Variants in RALYL observed in about 807,000 individuals in gnomAD.
RALYL encodes the protein RALY RNA binding protein like, also known as RNA-binding Raly-like protein.
RALYL carries 29 observed loss-of-function variants against 35.1 expected under a neutral mutation model. That is an observed-to-expected ratio of 0.83 (90% CI 0.61 to 1.13). RALYL has a LOEUF of 1.13. Ranked by LOEUF, RALYL falls within the 50% of genes most tolerant of loss-of-function variation. The probability of loss-of-function intolerance (pLI) is 0.00; values close to 1 mark genes in which losing one functional copy is unlikely to be tolerated. For synonymous variants in RALYL, 120 were observed against 127.6 expected (o/e 0.94, Z 0.40); for missense variants, 359 against 360.4 (o/e 1.00, Z 0.03).
At chr8:84,385,054 C>T (rs1480274660) in intron 1 of RALYL, among the ~76,000 whole-genome samples, 1 of 151,768 alleles carries the variant, frequency 6.6e-6, no homozygotes, top group Non-Finnish European at 1.5e-5. Flanking sequence ...TCTTCCACCC[C>T]CACAAAGTCC....
chr8:84,312,720 G>C (rs1245267831), intron 1 of RALYL, among the ~76,000 whole-genome samples: 1 of 152,242 alleles, frequency 6.6e-6, no homozygotes, highest in African/African-American at 2.4e-5. Context: ...GTCTGCCCCT[G>C]TGGCTCCAGA....
At chr8:84,378,801 TTTG>T (rs1279258650) in intron 1 of RALYL, among the ~76,000 whole-genome samples, 1 of 152,028 alleles carries the variant, frequency 6.6e-6, no homozygotes, top group African/African-American at 2.4e-5. Context: ...CTGTTTTGAG[TTTG>T]TTATCATATG....
intron 2 of RALYL, among the ~76,000 whole-genome samples, chr8:84,617,355 T>C (rs1326397635): frequency 6.6e-6 from 1 of 150,948 alleles, no homozygotes; most frequent in Non-Finnish European, 1.5e-5. Context: ...TTTGAAGCAA[T>C]TGTGAATGGG....
intron 1 of RALYL, among the ~76,000 whole-genome samples, chr8:84,291,178 G>A (rs2132228760): frequency 6.6e-6 from 1 of 152,284 alleles, no homozygotes; most frequent in Admixed American, 6.5e-5. Flanking sequence ...AGGGAAAAGA[G>A]GACGGTGAGA....
rs551256691 is a variant in RALYL at position 84,656,921 on chromosome 8, T to A, written c.257-117658T>A. ...TATTATAATTTTATAGCTGGAATCATGCTAAAACACATGGGACAATGGAAA... is the reference window on the plus strand; with the variant it reads ...TATTATAATTTTATAGCTGGAATCAAGCTAAAACACATGGGACAATGGAAA... On this transcript the variant is annotated intron_variant, in intron 2 of 8. Coordinates refer to ENST00000521268, the MANE Select transcript of RALYL (RefSeq NM_173848.7). Among the ~76,000 whole-genome samples, 4 of 152,252 alleles carry A rather than the reference T, an allele frequency of 2.6e-5. No individual in the cohort carries two copies. The South Asian group carries it at 8.3e-4, about 32-fold the overall frequency.
At chr8:84,320,890 T>A (rs999440766) in intron 1 of RALYL, among the ~76,000 whole-genome samples, 47 of 152,228 alleles carry the variant, frequency 3.1e-4, no homozygotes, top group African/African-American at 1.1e-3. Context: ...CTTAGGACCA[T>A]CTAGGCATAA....
chr8:84,256,017 G>A (rs774321387), intron 1 of RALYL, among the ~76,000 whole-genome samples: 4 of 152,074 alleles, frequency 2.6e-5, no homozygotes, highest in Non-Finnish European at 4.4e-5. Flanking sequence ...AATAATCTGG[G>A]TGATTGTAAA....
At chr8:84,513,330 A>T (rs1472561181) in intron 1 of RALYL, among the ~76,000 whole-genome samples, 1 of 151,818 alleles carries the variant, frequency 6.6e-6, no homozygotes, top group Non-Finnish European at 1.5e-5. Flanking sequence ...GTTATTATTG[A>T]TTTTTTGTGA....
chr8:84,283,883 A>G (rs535584321), intron 1 of RALYL, among the ~76,000 whole-genome samples: 9 of 152,290 alleles, frequency 5.9e-5, no homozygotes, highest in African/African-American at 2.2e-4. Flanking sequence ...GCTGATTCCC[A>G]GAAGTGAATA....
Position 84,784,405 on chromosome 8 carries a change from A to G in RALYL, c.332+9751A>G, listed in dbSNP as rs544219664. On this transcript the variant is annotated intron_variant, in intron 3 of 8. Coordinates refer to ENST00000521268, the MANE Select transcript of RALYL (RefSeq NM_173848.7). Reference sequence around the variant, plus strand: ...CCTTTTTCCTCGGTCATCTAGTCTCACTCTTACAATGTGAATGATTTTTTA... The same window carrying G: ...CCTTTTTCCTCGGTCATCTAGTCTCGCTCTTACAATGTGAATGATTTTTTA... Among the ~76,000 whole-genome samples, 50 of 152,234 alleles carry G rather than the reference A, an allele frequency of 3.3e-4. 2 individuals carry two copies. In the South Asian group the frequency reaches 8.7e-3, roughly 26 times the overall value.
chr8:84,540,033 T>C (rs1427153835), intron 2 of RALYL, among the ~76,000 whole-genome samples: 1 of 151,380 alleles, frequency 6.6e-6, no homozygotes, highest in Non-Finnish European at 1.5e-5. Context: ...ATTTTGGACA[T>C]ATTTCCTAAT....
intron 1 of RALYL, among the ~76,000 whole-genome samples, chr8:84,216,524 A>G (rs1417918587): frequency 1.3e-5 from 2 of 152,154 alleles, no homozygotes; most frequent in Non-Finnish European, 2.9e-5. Context: ...TAACATATTC[A>G]TCATCTCACA....
chr8:84,827,268 A>G (rs1829918025), intron 4 of RALYL, among the ~76,000 whole-genome samples: 1 of 152,166 alleles, frequency 6.6e-6, no homozygotes, highest in Non-Finnish European at 1.5e-5. Flanking sequence ...CAATCAGAAT[A>G]CAAGAAAATA....
intron 1 of RALYL, among the ~76,000 whole-genome samples, chr8:84,516,585 C>G (rs2058084992): frequency 6.6e-6 from 1 of 152,048 alleles, no homozygotes; most frequent in Non-Finnish European, 1.5e-5. Flanking sequence ...TTGATATCAA[C>G]AAACCAAGCA....
intron 2 of RALYL, among the ~76,000 whole-genome samples, chr8:84,563,020 T>C (rs113876554): frequency 2.0e-5 from 3 of 152,032 alleles, no homozygotes; most frequent in African/African-American, 7.2e-5. Flanking sequence ...TGGCAGTCAC[T>C]CTTACATGGG....
chr8:84,263,474 A>G (rs1444580652), intron 1 of RALYL, among the ~76,000 whole-genome samples: 1 of 152,232 alleles, frequency 6.6e-6, no homozygotes, highest in South Asian at 2.1e-4. Context: ...AAAAATCTAT[A>G]TAGTAAAAAT....
intron 7 of RALYL, among the ~76,000 whole-genome samples, chr8:84,879,880 C>G (rs1236295052): frequency 1.3e-5 from 2 of 151,898 alleles, no homozygotes; most frequent in Non-Finnish European, 2.9e-5. Context: ...GCCCTGGACA[C>G]TTACTAAAAG....
intron 1 of RALYL, among the ~76,000 whole-genome samples, chr8:84,461,825 C>T (rs1269100688): frequency 1.3e-5 from 2 of 151,566 alleles, no homozygotes; most frequent in African/African-American, 2.4e-5. Flanking sequence ...ATCCCCCTTC[C>T]TCATTTCTCC....
intron 1 of RALYL, among the ~76,000 whole-genome samples, chr8:84,295,996 A>G (rs777855494): frequency 1.6e-4 from 25 of 152,212 alleles, no homozygotes; most frequent in Middle Eastern, 3.4e-3. Context: ...TCTGGTGAAT[A>G]GTATAATGTA....
Sources: gnomAD v4.1 joint callset for allele counts (sites outside exome capture counted in the v4.1 genomes callset) on GRCh38, gnomAD v4.1.1 for gene constraint, MANE v1.5 for transcripts, NCBI Gene and HGNC (gene_info 2026-07-23, HGNC 2026-07-21) for gene names.